The following INVS variants were observed in gnomAD, a reference collection of about 807,000 sequenced individuals.
The protein encoded by INVS is inversion of embryo turning homolog.
In INVS, 86 loss-of-function variants were observed where a neutral mutation model predicts 108.8. The ratio of observed to expected loss-of-function variants is 0.79; its 90% CI spans 0.66 to 0.95. INVS has a LOEUF of 0.95. Among genes scored for constraint, INVS ranks in the 40% least tolerant of loss-of-function variants. INVS has a pLI of 0.00. For synonymous variants in INVS, 455 were observed against 473.5 expected (o/e 0.96, Z 0.51); for missense variants, 1,169 against 1,297.4 (o/e 0.90, Z 1.52).
chr9:100,148,683 T>C (rs573602740), intron 3 of INVS, among the ~76,000 whole-genome samples: 1 of 152,352 alleles, frequency 6.6e-6, no homozygotes, highest in African/African-American at 2.4e-5. Flanking sequence ...AATGAAAAGA[T>C]TTTAATTAAA....
At chr9:100,135,927 G>A (rs573849171) in intron 3 of INVS, among the ~76,000 whole-genome samples, 1 of 152,106 alleles carries the variant, frequency 6.6e-6, no homozygotes, top group Non-Finnish European at 1.5e-5. Flanking sequence ...AAAGGAGACA[G>A]TACAAGATAG....
At chr9:100,250,410 T>G (rs1342058831) in intron 8 of INVS, among the ~76,000 whole-genome samples, 1 of 152,196 alleles carries the variant, frequency 6.6e-6, no homozygotes, top group African/African-American at 2.4e-5. Context: ...TTCTACCCTG[T>G]GCTGTCTTTC....
At chr9:100,240,496 T>C (rs913542387) in intron 6 of INVS, among the ~76,000 whole-genome samples, 2 of 152,198 alleles carry the variant, frequency 1.3e-5, no homozygotes, top group African/African-American at 4.8e-5. Flanking sequence ...AACATGTGAA[T>C]GTAACATAAA....
At chr9:100,136,608 A>C (rs1255071775) in intron 3 of INVS, among the ~76,000 whole-genome samples, 1 of 152,220 alleles carries the variant, frequency 6.6e-6, no homozygotes, top group Non-Finnish European at 1.5e-5. Context: ...TTGGTTGATA[A>C]GTCTTTTAAG....
intron 3 of INVS, among the ~76,000 whole-genome samples, chr9:100,214,153 G>A (rs190394285): frequency 6.6e-6 from 1 of 152,146 alleles, no homozygotes; most frequent in Non-Finnish European, 1.5e-5. Context: ...TATCAACTAT[G>A]TCCCTCAGTA....
At chr9:100,217,371 C>T (rs563156511) in intron 3 of INVS, among the ~76,000 whole-genome samples, 1 of 152,284 alleles carries the variant, frequency 6.6e-6, no homozygotes, top group East Asian at 1.9e-4. Flanking sequence ...TCATCTTTTA[C>T]TGTCTTGTCA....
intron 10 of INVS, among the ~76,000 whole-genome samples, chr9:100,262,179 A>G (rs1183069302): frequency 6.6e-6 from 1 of 151,214 alleles, no homozygotes; most frequent in African/African-American, 2.4e-5. Flanking sequence ...TTGGCCTATA[A>G]TTTTCCTTTC....
chr9:100,204,100 A>G (rs912550613), intron 3 of INVS, among the ~76,000 whole-genome samples: 1 of 152,176 alleles, frequency 6.6e-6, no homozygotes, highest in Non-Finnish European at 1.5e-5. Flanking sequence ...TCATTTCACA[A>G]TTGAGGAAAC....
chr9:100,150,610 G>C (rs7028395), intron 3 of INVS, among the ~76,000 whole-genome samples: 1 of 152,014 alleles, frequency 6.6e-6, no homozygotes, highest in African/African-American at 2.4e-5. Flanking sequence ...AAGAAAATTT[G>C]AGCATTAATT....
chr9:100,282,407 G>A (rs142674595), intron 12 of INVS, among the ~76,000 whole-genome samples: 1 of 152,138 alleles, frequency 6.6e-6, no homozygotes, highest in African/African-American at 2.4e-5. Flanking sequence ...CCATGTTCTC[G>A]GTAATGGGAC....
intron 3 of INVS, among the ~76,000 whole-genome samples, chr9:100,127,496 A>G (rs1827923320): frequency 6.6e-6 from 1 of 152,144 alleles, no homozygotes; most frequent in African/African-American, 2.4e-5. Flanking sequence ...ATAGATTTCC[A>G]GTGCCTGGTA....
In INVS at chr9:100,300,669, C is replaced by G. The variant is rs1389026542; in HGVS notation, c.3193C>G (p.Pro1065Ala). The change falls in exon 17 of 17, where the codon CCT (proline) becomes GCT (alanine). Residue 1065 changes from proline to alanine, a missense_variant. By Grantham distance (27) the Pro-to-Ala change is conservative. Transcript: ENST00000262457. ...TACTCAGCCAAAAAACAAAACAAAA[C>G]CTTGACTGCCTATGGAGGAAGACTG... ...SATQPKNKTK[P>A] 1.2e-6 allele frequency: 2 copies of G among 1,606,746 alleles called. No homozygotes were observed. The highest frequency in any genetic ancestry group is 1.7e-6 in the Non-Finnish European group (2 of 1,173,748).
intron 3 of INVS, among the ~76,000 whole-genome samples, chr9:100,196,822 T>G (rs897205995): frequency 2.0e-5 from 3 of 152,052 alleles, no homozygotes; most frequent in Non-Finnish European, 2.9e-5. Flanking sequence ...ACTCACAAGT[T>G]TTGCTATGTT....
chr9:100,123,997 C>T (rs113428253), intron 2 of INVS, among the ~76,000 whole-genome samples: 3 of 151,914 alleles, frequency 2.0e-5, no homozygotes, highest in African/African-American at 7.3e-5. Context: ...TTAGTAGAGA[C>T]GGGTTTTTGC....
intron 12 of INVS, among the ~76,000 whole-genome samples, chr9:100,273,527 CTTTTT>C (rs58458085): frequency 3.1e-5 from 3 of 96,318 alleles, no homozygotes; most frequent in African/African-American, 1.4e-4. Context: ...CCACTCAGTT[CTTTTT>C]TTTTTTTTTT....
intron 2 of INVS, among the ~76,000 whole-genome samples, chr9:100,123,149 T>C (rs537865561): frequency 7.9e-5 from 12 of 152,302 alleles, no homozygotes; most frequent in African/African-American, 2.6e-4. Flanking sequence ...AAGTATACAA[T>C]TGAGTGATTT....
intron 3 of INVS, among the ~76,000 whole-genome samples, chr9:100,166,630 T>C (rs1829373476): frequency 6.6e-6 from 1 of 152,212 alleles, no homozygotes; most frequent in Admixed American, 6.5e-5. Context: ...CCTATTAATA[T>C]TTTTATACAA....
At chr9:100,179,930 C>T (rs1218425841) in intron 3 of INVS, among the ~76,000 whole-genome samples, 2 of 150,924 alleles carry the variant, frequency 1.3e-5, no homozygotes, top group South Asian at 2.1e-4. Context: ...GAATGGAAAT[C>T]GTAACAGTCT....
At chr9:100,129,026 C>CA (rs1177073701) in intron 3 of INVS, among the ~76,000 whole-genome samples, 4 of 145,642 alleles carry the variant, frequency 2.7e-5, no homozygotes, top group East Asian at 2.1e-4. Flanking sequence ...TTATTTAAAA[C>CA]AAAAAAAAAT....
Sources: gnomAD v4.1 joint callset for allele counts (sites outside exome capture counted in the v4.1 genomes callset) on GRCh38, gnomAD v4.1.1 for gene constraint, MANE v1.5 for transcripts, NCBI Gene and HGNC (gene_info 2026-07-23, HGNC 2026-07-21) for gene names.